Variants in KMT2A observed in about 807,000 individuals in gnomAD.
The protein encoded by KMT2A is histone-lysine N-methyltransferase 2A.
Under a neutral mutation model 345.3 loss-of-function variants are expected in KMT2A, and 16 were observed. The observed-to-expected ratio is 0.05, with a 90% CI of 0.03 to 0.07. The LOEUF (loss-of-function observed/expected upper bound fraction) is 0.07, where lower values mean the gene tolerates loss of function less well. Among genes scored for constraint, KMT2A ranks in the 10% least tolerant of loss-of-function variants. The probability of loss-of-function intolerance (pLI) is 1.00; values close to 1 mark genes in which losing one functional copy is unlikely to be tolerated. For missense variants in KMT2A, 3,272 were observed against 4,841.6 expected (o/e 0.68, Z 9.62); for synonymous variants, 1,599 against 1,778.6 (o/e 0.90, Z 2.54).
At chr11:118,454,813 T>C (rs1234912041) in intron 1 of KMT2A, among the ~76,000 whole-genome samples, 1 of 152,162 alleles carries the variant, frequency 6.6e-6, no homozygotes, top group African/African-American at 2.4e-5. Context: ...GTACACAAAA[T>C]ATTCTTTTGA....
At chr11:118,456,547 C>T (rs1188762877) in intron 1 of KMT2A, among the ~76,000 whole-genome samples, 3 of 151,994 alleles carry the variant, frequency 2.0e-5, no homozygotes, top group African/African-American at 7.2e-5. Context: ...ACTATGTTGG[C>T]CAGGCTGGTC....
intron 3 of KMT2A, 56 bp downstream of exon 3, chr11:118,474,371 G>T: frequency 1.3e-6 from 2 of 1,559,590 alleles, no homozygotes; most frequent in Non-Finnish European, 1.7e-6. Flanking sequence ...CCTTTCTATG[G>T]GCAAGTTTTA....
chr11:118,462,409 A>G (rs1197126183), intron 1 of KMT2A, among the ~76,000 whole-genome samples: 1 of 152,188 alleles, frequency 6.6e-6, no homozygotes, highest in African/African-American at 2.4e-5. Flanking sequence ...TAACATAACA[A>G]TGACAGCTTT....
chr11:118,438,924 C>A, intron 1 of KMT2A: 1 of 410,712 alleles, frequency 2.4e-6, no homozygotes, highest in South Asian at 1.7e-5. Context: ...TTTTCCCAGC[C>A]TTCAGAAGGC....
At chr11:118,483,439 A>C (rs1291207145) in intron 8 of KMT2A, among the ~76,000 whole-genome samples, 2 of 152,070 alleles carry the variant, frequency 1.3e-5, no homozygotes, top group African/African-American at 2.4e-5. Flanking sequence ...AGAGTGAGGC[A>C]GGAGAATGGC....
chr11:118,491,117 T>G lies in KMT2A; in HGVS notation c.4697-79T>G. 7.0e-7 allele frequency: 1 copy of G among 1,435,864 alleles called. No individual in the cohort carries two copies. The highest frequency in any genetic ancestry group is 9.6e-7 in the Non-Finnish European group (1 of 1,043,300). 88.9% of individuals were successfully genotyped at this position (1,435,864 alleles called of 1,614,324 possible). A position where few individuals can be genotyped will look rare whatever the true frequency, so the allele number is the denominator to read the frequency against. ...CAGAAGAATATAGATTTAGATTGGG[T>G]TGGTAAATGCAAGTCGAGGGCCGTA... On this transcript the variant is annotated intron_variant, in intron 13 of 35. Coordinates refer to ENST00000534358, the MANE Select transcript of KMT2A (RefSeq NM_001197104.2). This position sits in a 1 kb window ranked among gnomAD's most constrained non-coding sequence, Gnocchi z 4.2.
chr11:118,467,747 G>T (rs1042140956), intron 1 of KMT2A, among the ~76,000 whole-genome samples: 1 of 152,140 alleles, frequency 6.6e-6, no homozygotes, highest in Admixed American at 6.6e-5. Flanking sequence ...CTTACCTCTC[G>T]AGAGGAAAAT....
At chr11:118,445,407 T>A (rs1454254715) in intron 1 of KMT2A, among the ~76,000 whole-genome samples, 12 of 152,174 alleles carry the variant, frequency 7.9e-5, no homozygotes, top group African/African-American at 2.9e-4. Flanking sequence ...CTATAACTAG[T>A]GTTCCTGATA....
In KMT2A at chr11:118,523,770, G is replaced by A. The variant is rs1951020754; in HGVS notation, c.*1598G>A. The A allele has an allele frequency of 4.6e-6, 1 of 216,890 alleles. No individual in the cohort carries two copies. Among genetic ancestry groups the A allele is most frequent in the Non-Finnish European group, 9.3e-6 (1 of 107,662 alleles). The allele number at this position is 216,890 out of a possible 1,614,324, so 13.4% of individuals were successfully genotyped here. The stretch of plus-strand genomic sequence containing the variant: ...GGTTTTTCCTGCCCAACTTCCCCCT[G>A]GAAGGTGTACTTTTTGTTGTTTAAT... On this transcript the variant is annotated 3_prime_UTR_variant, in exon 36 of 36. Transcript: ENST00000534358.
chr11:118,488,551 G>A (rs962036089), intron 10 of KMT2A, 63 bp from the exon 11 acceptor site: 102 of 1,560,660 alleles, frequency 6.5e-5, no homozygotes, highest in Non-Finnish European at 8.9e-5. Flanking sequence ...AGAAGGGTAT[G>A]GTTGATTATG....
At chr11:118,500,061 G>A (rs990913556) in intron 24 of KMT2A, 148 bp downstream of exon 24, 69 of 582,692 alleles carry the variant, frequency 1.2e-4, no homozygotes, top group Non-Finnish European at 1.9e-4. Flanking sequence ...TCTCGGATTC[G>A]TCTGCTTGTA....
At chr11:118,437,606 T>C (rs1949219213) in intron 1 of KMT2A, among the ~76,000 whole-genome samples, 1 of 107,958 alleles carries the variant, frequency 9.3e-6, no homozygotes, top group Admixed American at 1.3e-4. Context: ...AAATCTCTCC[T>C]CTGCACCTTG....
rs868938688 is a variant in KMT2A at position 118,482,229 on chromosome 11, T to A, written c.4012+137T>A. ...CAAGAAAATCAGCTCTCTTTCTAAC[T>A]ATTATGTTTAATAATAAAGAAACAG... On this transcript the variant is annotated intron_variant, in intron 7 of 35. Transcript: ENST00000534358. The A allele has an allele frequency of 4.7e-6, 5 of 1,063,702 alleles. No individual in the cohort carries two copies. In the African/African-American group the frequency reaches 4.8e-5, roughly 10 times the overall value. 65.9% of individuals were successfully genotyped at this position (1,063,702 alleles called of 1,614,324 possible). A position where few individuals can be genotyped will look rare whatever the true frequency, so the allele number is the denominator to read the frequency against.
In KMT2A at chr11:118,519,964, G is replaced by C; in HGVS notation, c.11329G>C (p.Ala3777Pro). The C allele has an allele frequency of 6.2e-7, 1 of 1,613,130 alleles. No homozygotes were observed. Among genetic ancestry groups the C allele is most frequent in the Admixed American group, 1.7e-5 (1 of 60,000 alleles). ...TTAATCTTTTGGCCCCAGGAAGTCA[G>C]CATTTGACATGTTTAACTTCCTGGC... ...ARAEVHLRKSAFDMFNFLASK... is the reference protein window; with the variant it reads ...ARAEVHLRKSPFDMFNFLASK... The change falls in exon 33 of 36, where the codon GCA becomes CCA. Residue 3777 changes from alanine to proline, a missense_variant. Coordinates refer to ENST00000534358, the MANE Select transcript of KMT2A (RefSeq NM_001197104.2).
rs1555036247 is a variant in KMT2A at position 118,473,132 on chromosome 11, C to T, written c.1973C>T (p.Pro658Leu). Residue 658 changes from proline to leucine, a missense_variant, in exon 3 of 36, where the codon CCC becomes CTC. Transcript: ENST00000534358. The surrounding 1 kb of genome is among the most constrained non-coding windows in gnomAD (Gnocchi z 5.2). ...FDNFRPPPLTPEDVGFASGFS... is the reference protein window; with the variant it reads ...FDNFRPPPLTLEDVGFASGFS... ...AATTTCCGACCCCCTCCACTAACTC[C>T]CGAGGACGTTGGCTTTGCATCTGGT... The T allele has an allele frequency of 1.2e-6, 2 of 1,614,018 alleles. No individual in the cohort carries two copies. Among genetic ancestry groups the T allele is most frequent in the South Asian group, 1.1e-5 (1 of 91,092 alleles).
rs1950510507 is a variant in KMT2A, at chr11:118,502,152, C to T, written c.6506-246C>T. Among the ~76,000 whole-genome samples, 1 of 151,898 alleles carries T rather than the reference C, an allele frequency of 6.6e-6. No homozygotes were observed. The highest frequency in any genetic ancestry group is 2.1e-4 in the South Asian group (1 of 4,804). ...CCTGTAATCCCAGCTACCCAGGAGG[C>T]TAAGGCAGGAGAATCGCTGGAACCC... On this transcript the variant is annotated intron_variant, in intron 26 of 35. Transcript: ENST00000534358. The surrounding 1 kb of genome is among the most constrained non-coding windows in gnomAD (Gnocchi z 4.9).
chr11:118,483,232 C>CAAA (rs35780241), intron 8 of KMT2A, among the ~76,000 whole-genome samples: 1 of 115,870 alleles, frequency 8.6e-6, no homozygotes, highest in Non-Finnish European at 1.8e-5. Flanking sequence ...GACTCCATCC[C>CAAA]AAAAAAAAAA....
At chr11:118,515,168 A>C (rs1950784131) in intron 31 of KMT2A, among the ~76,000 whole-genome samples, 1 of 152,200 alleles carries the variant, frequency 6.6e-6, no homozygotes, top group Admixed American at 6.5e-5. Flanking sequence ...AGCAATTCTT[A>C]TTACTTACCC....
chr11:118,471,595 CA>C, intron 2 of KMT2A, 66 bp from the exon 3 acceptor site: 1 of 1,103,564 alleles, frequency 9.1e-7, no homozygotes, highest in Non-Finnish European at 1.3e-6. Flanking sequence ...AAGTTATATT[CA>C]GCTTAGTTAA....
Sources: gnomAD v4.1 joint callset for allele counts (sites outside exome capture counted in the v4.1 genomes callset) on GRCh38, gnomAD v4.1.1 for gene constraint, Gnocchi (gnomAD v3.1) non-coding constraint, MANE v1.5 for transcripts, NCBI Gene and HGNC (gene_info 2026-07-23, HGNC 2026-07-21) for gene names.